Variants in ZNF609 observed in about 807,000 individuals in gnomAD.
ZNF609 encodes the protein zinc finger protein 609.
Under a neutral mutation model 109.5 loss-of-function variants are expected in ZNF609, and 11 were observed. The observed-to-expected ratio is 0.10, with a 90% CI of 0.06 to 0.17. The LOEUF is 0.17. ZNF609 is among the 10% of genes least tolerant of loss of function. The pLI, the probability that ZNF609 is intolerant of heterozygous loss-of-function variation, is 1.00. For missense variants in ZNF609, 1,559 were observed against 1,772.4 expected, an observed-to-expected ratio of 0.88 and a Z score of 2.16; for synonymous variants, 646 against 662.0, an observed-to-expected ratio of 0.98 and a Z score of 0.37.
intron 3 of ZNF609, among the ~76,000 whole-genome samples, chr15:64,636,331 A>G (rs147909146): frequency 0.015 from 2,284 of 152,308 alleles, 30 homozygotes; most frequent in Middle Eastern, 0.034. Context: ...GCAACAAGCT[A>G]TATGACAAAA....
intron 3 of ZNF609, among the ~76,000 whole-genome samples, chr15:64,653,622 G>C (rs1896448411): frequency 6.6e-6 from 1 of 152,056 alleles, no homozygotes; most frequent in Non-Finnish European, 1.5e-5. Flanking sequence ...CTCCACCCTG[G>C]ACGACAGAGC....
intron 2 of ZNF609, among the ~76,000 whole-genome samples, chr15:64,600,650 A>C (rs541944660): frequency 3.1e-4 from 34 of 110,282 alleles, no homozygotes; most frequent in Middle Eastern, 7.9e-3. Flanking sequence ...AGAAAGAAAG[A>C]AAGCAGGGAT....
chr15:64,651,710 G>A (rs1896418148), intron 3 of ZNF609, among the ~76,000 whole-genome samples: 1 of 152,206 alleles, frequency 6.6e-6, no homozygotes, highest in South Asian at 2.1e-4. Context: ...CAAAGAGAAA[G>A]CATTATTGAC....
At chr15:64,522,417 A>G (rs1400734013) in intron 2 of ZNF609, among the ~76,000 whole-genome samples, 1 of 152,190 alleles carries the variant, frequency 6.6e-6, no homozygotes, top group Non-Finnish European at 1.5e-5. Context: ...CCCTTTAAGC[A>G]TCTTTAATTT....
At chr15:64,638,992 G>T (rs961729985) in intron 3 of ZNF609, among the ~76,000 whole-genome samples, 1 of 152,126 alleles carries the variant, frequency 6.6e-6, no homozygotes, top group African/African-American at 2.4e-5. Flanking sequence ...AGGTGCAGTG[G>T]CTCACACCTG....
At chr15:64,482,040 C>T (rs1172849567) in intron 1 of ZNF609, among the ~76,000 whole-genome samples, 3 of 152,174 alleles carry the variant, frequency 2.0e-5, no homozygotes, top group Non-Finnish European at 4.4e-5. Context: ...GCCTTGGCCT[C>T]CCAAGGCTGG....
chr15:64,529,291 C>A, intron 2 of ZNF609: 1 of 716,970 alleles, frequency 1.4e-6, no homozygotes, highest in South Asian at 1.4e-5. Flanking sequence ...ATGGGGGCAT[C>A]AACAGAGAGG....
At chr15:64,625,517 C>CA (rs112319053) in intron 3 of ZNF609, among the ~76,000 whole-genome samples, 6 of 151,178 alleles carry the variant, frequency 4.0e-5, no homozygotes, top group Middle Eastern at 3.4e-3. Flanking sequence ...AAGGCTGTCT[C>CA]AAAAAAAAGA....
At chr15:64,646,658 A>G (rs914562992) in intron 3 of ZNF609, among the ~76,000 whole-genome samples, 2 of 135,112 alleles carry the variant, frequency 1.5e-5, no homozygotes, top group African/African-American at 5.6e-5. Flanking sequence ...AAAAAAAAAA[A>G]CTGGGCACGG....
intron 1 of ZNF609, among the ~76,000 whole-genome samples, chr15:64,484,222 G>A (rs534409450): frequency 6.6e-6 from 1 of 152,210 alleles, no homozygotes; most frequent in Admixed American, 6.5e-5. Context: ...AGGTAGTTAG[G>A]TCCCCAAATT....
chr15:64,644,760 C>A (rs934550046), intron 3 of ZNF609, among the ~76,000 whole-genome samples: 1 of 152,186 alleles, frequency 6.6e-6, no homozygotes, highest in Admixed American at 6.5e-5. Flanking sequence ...GATGGATGAG[C>A]TCTTGATCCA....
intron 2 of ZNF609, among the ~76,000 whole-genome samples, chr15:64,516,252 T>C (rs1893806728): frequency 6.6e-6 from 1 of 152,200 alleles, no homozygotes; most frequent in African/African-American, 2.4e-5. Flanking sequence ...TTTAATCTCT[T>C]CCATTCCCCT....
intron 1 of ZNF609, among the ~76,000 whole-genome samples, chr15:64,468,133 C>T (rs1213823914): frequency 6.6e-6 from 1 of 151,918 alleles, no homozygotes; most frequent in Non-Finnish European, 1.5e-5. Context: ...TCTCCTACCT[C>T]AGCCTCCCAA....
chr15:64,679,300 G>A (rs538687212), intron 6 of ZNF609, among the ~76,000 whole-genome samples: 2 of 152,154 alleles, frequency 1.3e-5, no homozygotes, highest in Admixed American at 6.6e-5. Context: ...TTGAACTCCC[G>A]ACCTCAGGTG....
chr15:64,559,444 A>G (rs1034166618), intron 2 of ZNF609, among the ~76,000 whole-genome samples: 4 of 152,222 alleles, frequency 2.6e-5, no homozygotes, highest in Non-Finnish European at 5.9e-5. Context: ...CAAGGAGACC[A>G]TTGGTAGCCA....
intron 2 of ZNF609, among the ~76,000 whole-genome samples, chr15:64,607,012 C>T (rs1029091095): frequency 1.3e-5 from 2 of 151,990 alleles, no homozygotes; most frequent in African/African-American, 2.4e-5. Context: ...GGCGTGGTGG[C>T]ACATGCCTGT....
intron 2 of ZNF609, among the ~76,000 whole-genome samples, chr15:64,556,874 A>G (rs1403965991): frequency 1.3e-5 from 2 of 152,200 alleles, no homozygotes; most frequent in African/African-American, 4.8e-5. Context: ...TTTATATCCT[A>G]TCTGCTTTTT....
At chr15:64,539,741 C>T (rs543055812) in intron 2 of ZNF609, among the ~76,000 whole-genome samples, 2 of 151,718 alleles carry the variant, frequency 1.3e-5, no homozygotes, top group African/African-American at 4.8e-5. Flanking sequence ...TGACCATGTG[C>T]CTCAGTCTCC....
intron 2 of ZNF609, among the ~76,000 whole-genome samples, chr15:64,602,917 T>G (rs1162186418): frequency 1.0e-5 from 1 of 100,382 alleles, no homozygotes; most frequent in Admixed American, 1.2e-4. Context: ...TTTTTTTTTT[T>G]TGTATTTTTA....
Sources: allele counts gnomAD v4.1 joint callset (sites outside exome capture counted in the v4.1 genomes callset), GRCh38; gene constraint gnomAD v4.1.1; transcripts MANE v1.5; gene names NCBI Gene and HGNC (gene_info 2026-07-23, HGNC 2026-07-21).